C6orf89: variants seen among roughly 807,000 people sequenced by gnomAD.
C6orf89 encodes chromosome 6 open reading frame 89.
In C6orf89, 29 loss-of-function variants were observed where a neutral mutation model predicts 40.7. The observed-to-expected ratio is 0.71, with a 90% CI of 0.53 to 0.97. The LOEUF (loss-of-function observed/expected upper bound fraction) is 0.97, where lower values mean the gene tolerates loss of function less well. Among genes scored for constraint, C6orf89 ranks in the 50% least tolerant of loss-of-function variants. The pLI, the probability that C6orf89 is intolerant of heterozygous loss-of-function variation, is 0.00. For synonymous variants in C6orf89, 165 were observed against 152.2 expected (o/e 1.08, Z -0.62); for missense variants, 392 against 429.1 (o/e 0.91, Z 0.76).
At chr6:36,879,178 T>G (rs1414620183) in intron 2 of C6orf89, 1 of 152,208 alleles carries the variant, frequency 6.6e-6, no homozygotes, top group Non-Finnish European at 1.5e-5. Flanking sequence ...TTTTTATCTT[T>G]TCTATTACTC....
chr6:36,897,043 C>T (rs774100982), intron 2 of C6orf89, among the ~76,000 whole-genome samples: 2 of 148,960 alleles, frequency 1.3e-5, no homozygotes, highest in Non-Finnish European at 3.0e-5. Flanking sequence ...GCAGGAGAAT[C>T]GCTTGAACTC....
Position 36,886,007 on chromosome 6 carries a change from C to G in C6orf89, c.-141C>G. 9.0e-7 allele frequency: 1 copy of G among 1,111,362 alleles called. No individual in the cohort carries two copies. The highest frequency in any genetic ancestry group is 1.1e-6 in the Non-Finnish European group (1 of 933,538). 68.8% of individuals were successfully genotyped at this position (1,111,362 alleles called of 1,614,324 possible). On this transcript the variant is annotated 5_prime_UTR_variant, in exon 1 of 9. Coordinates refer to ENST00000480824, the MANE Select transcript of C6orf89 (RefSeq NM_001286635.2). ...CAGCTGTCCCCGAGGCGGGAGGAGCCCGAGGGGCGCGAGCCCCGCATGTGA... is the reference window on the plus strand; with the variant it reads ...CAGCTGTCCCCGAGGCGGGAGGAGCGCGAGGGGCGCGAGCCCCGCATGTGA...
intron 4 of C6orf89, among the ~76,000 whole-genome samples, chr6:36,905,490 A>G (rs1761894860): frequency 6.6e-6 from 1 of 152,210 alleles, no homozygotes; most frequent in South Asian, 2.1e-4. Context: ...TGGTCTTCCA[A>G]GCTTCTGACC....
intron 1 of C6orf89, chr6:36,872,004 G>T: frequency 1.2e-6 from 1 of 834,440 alleles, no homozygotes; most frequent in African/African-American, 1.8e-5. Context: ...TGGATTTCAT[G>T]CTCAGCAAAG....
At chr6:36,875,178 GAA>G (rs1774619431) in intron 1 of C6orf89, among the ~76,000 whole-genome samples, 2 of 152,214 alleles carry the variant, frequency 1.3e-5, no homozygotes, top group South Asian at 4.1e-4. Context: ...GGCAGAGAAT[GAA>G]AGAGGGTAGT....
intron 6 of C6orf89, among the ~76,000 whole-genome samples, chr6:36,915,805 C>T (rs1461170346): frequency 6.6e-6 from 1 of 152,104 alleles, no homozygotes; most frequent in Non-Finnish European, 1.5e-5. Flanking sequence ...GGATCGAAAC[C>T]CCAGTTTGTC....
upstream of C6orf89, among the ~76,000 whole-genome samples, chr6:36,884,345 A>G (rs530277307): frequency 1.2e-4 from 18 of 152,308 alleles, no homozygotes; most frequent in South Asian, 2.1e-4. This position sits in a 1 kb window ranked among gnomAD's most constrained non-coding sequence, Gnocchi z 4.0. Flanking sequence ...CTCTTCATCT[A>G]ACTCATTCTT....
chr6:36,916,664 CT>C, intron 7 of C6orf89, 90 bp downstream of exon 7: 1 of 1,513,838 alleles, frequency 6.6e-7, no homozygotes, highest in Non-Finnish European at 9.1e-7. Flanking sequence ...TGCATATTGG[CT>C]TAGAGGGTTA....
rs144084583 is a variant in C6orf89, at chr6:36,899,278, A to C, written c.-19-148A>C. The C allele has an allele frequency of 9.4e-6, 6 of 639,926 alleles. No homozygotes were observed. The African/African-American group carries it at 1.1e-4, about 12-fold the overall frequency. The allele number at this position is 639,926 out of a possible 1,614,324, so 39.6% of individuals were successfully genotyped here. ...AATTTGACATTGTCTCTGTGTATTC[A>C]TTGTGTTTCATGAAAGTATTGGTCT... On this transcript the variant is annotated intron_variant, in intron 2 of 8. Coordinates refer to ENST00000480824, the MANE Select transcript of C6orf89 (RefSeq NM_001286635.2).
intron 3 of C6orf89, among the ~76,000 whole-genome samples, chr6:36,899,857 ATTAT>A (rs1761598364): frequency 6.6e-6 from 1 of 152,166 alleles, no homozygotes; most frequent in Non-Finnish European, 1.5e-5. Context: ...GTGTAATATT[ATTAT>A]TTAATTTTTT....
chr6:36,875,330 G>T (rs1774623452), intron 1 of C6orf89, among the ~76,000 whole-genome samples: 1 of 152,094 alleles, frequency 6.6e-6, no homozygotes, highest in Admixed American at 6.5e-5. Context: ...AAATAGACTC[G>T]GCAGTTAATA....
chr6:36,886,101 A>G, intron 1 of C6orf89, 73 bp downstream of exon 1: 3 of 1,195,476 alleles, frequency 2.5e-6, no homozygotes, highest in Non-Finnish European at 3.2e-6. Flanking sequence ...CGTCTCTGAC[A>G]TCCTCGCGCA....
chr6:36,921,738 T>C (rs1454388811), intron 8 of C6orf89, among the ~76,000 whole-genome samples: 2 of 152,030 alleles, frequency 1.3e-5, no homozygotes, highest in Non-Finnish European at 2.9e-5. Context: ...CAAGACAGCA[T>C]TGTTAGGGGC....
At position 36,923,368 on chromosome 6, in the gene C6orf89, G is replaced by A; in HGVS notation, c.971G>A (p.Trp324Ter). The A allele has an allele frequency of 6.2e-7, 1 of 1,614,002 alleles. No homozygotes were observed. Among genetic ancestry groups the A allele is most frequent in the South Asian group, 1.1e-5 (1 of 91,082 alleles). ...GDIGYVDTTHWKVYVIARGVQ... is the reference protein window; with the variant it reads ...GDIGYVDTTH ...CAAGGCTATGTCGACACCACCCACT[G>A]GAAGGTCTACGTTATAGCCAGAGGG... Residue 324 changes from tryptophan to a stop codon, truncating the protein, a stop_gained, in exon 9 of 9, where the codon TGG becomes TAG. Coordinates refer to ENST00000480824, the MANE Select transcript of C6orf89 (RefSeq NM_001286635.2). LOFTEE classifies it high-confidence loss of function.
At chr6:36,917,916 T>C (rs1347813182) in intron 7 of C6orf89, among the ~76,000 whole-genome samples, 1 of 152,230 alleles carries the variant, frequency 6.6e-6, no homozygotes, top group Non-Finnish European at 1.5e-5. Context: ...ACTCAAATGC[T>C]TACGAGAGTC....
Position 36,902,338 on chromosome 6 carries a change from C to A in C6orf89, c.307C>A (p.His103Asn), listed in dbSNP as rs749068867. ...GAHTWRSLIH[H>N]IRLMSLPIAK... ...TCACACCTGGCGCTCACTCATCCAT[C>A]ACATTAGGCTGATGTCCTTGCCCAT... Residue 103 changes from histidine (H) to asparagine (N), a missense_variant, in exon 4 of 9, where the codon CAC becomes AAC. Coordinates refer to ENST00000480824, the MANE Select transcript of C6orf89 (RefSeq NM_001286635.2). 28 of 1,614,064 alleles carry A rather than the reference C, an allele frequency of 1.7e-5. No homozygotes were observed. Among genetic ancestry groups the A allele is most frequent in the Middle Eastern group, 1.6e-4 (1 of 6,084 alleles).
chr6:36,906,714 G>A (rs1285872250), intron 4 of C6orf89, among the ~76,000 whole-genome samples: 1 of 152,136 alleles, frequency 6.6e-6, no homozygotes, highest in East Asian at 1.9e-4. Flanking sequence ...CACATGCAGG[G>A]ACCTGGCAGA....
At chr6:36,896,944 A>G (rs892498112) in intron 2 of C6orf89, among the ~76,000 whole-genome samples, 1 of 151,928 alleles carries the variant, frequency 6.6e-6, no homozygotes, top group South Asian at 2.1e-4. Context: ...CCTGGCCAAC[A>G]TGGTGAAACC....
intron 6 of C6orf89, 78 bp from the exon 7 acceptor site, chr6:36,916,367 A>G: frequency 6.4e-7 from 1 of 1,574,212 alleles, no homozygotes. Context: ...CAGTTTTCCC[A>G]CCCTTACTTG....
Sources: allele counts gnomAD v4.1 joint callset (sites outside exome capture counted in the v4.1 genomes callset), GRCh38; gene constraint gnomAD v4.1.1; non-coding constraint Gnocchi (gnomAD v3.1); transcripts MANE v1.5; gene names NCBI Gene and HGNC (gene_info 2026-07-23, HGNC 2026-07-21).